Variants in PTPN6 observed in about 807,000 individuals in gnomAD.
PTPN6 encodes the protein tyrosine-protein phosphatase non-receptor type 6.
Under a neutral mutation model 81.5 loss-of-function variants are expected in PTPN6, and 18 were observed. The observed-to-expected ratio is 0.22, with a 90% CI of 0.15 to 0.33. The LOEUF (loss-of-function observed/expected upper bound fraction) is 0.33, where lower values mean the gene tolerates loss of function less well. Ranked by LOEUF, PTPN6 falls within the 10% of genes least tolerant of loss-of-function variation. PTPN6 has a pLI of 1.00. For synonymous variants in PTPN6, 301 were observed against 310.9 expected, an observed-to-expected ratio of 0.97 and a Z score of 0.33; for missense variants, 500 against 794.2, an observed-to-expected ratio of 0.63 and a Z score of 4.45.
In PTPN6 at chr12:6,959,461, C is replaced by T. The variant is rs1291264026; in HGVS notation, c.1362-466C>T. 4.9e-5 allele frequency: 13 copies of T among 263,860 alleles called. No individual in the cohort carries two copies. The highest frequency in any genetic ancestry group is 1.8e-4 in the African/African-American group (8 of 45,076). 16.3% of individuals were successfully genotyped at this position (263,860 alleles called of 1,614,324 possible). ...CCTGAGTCCCCTGACCCTGTGCCCCCGCACCCTGCTGTCTCAGGGCTATCC... is the reference window on the plus strand; with the variant it reads ...CCTGAGTCCCCTGACCCTGTGCCCCTGCACCCTGCTGTCTCAGGGCTATCC... On this transcript the variant is annotated intron_variant, in intron 11 of 15. Coordinates refer to ENST00000318974, the MANE Select transcript of PTPN6 (RefSeq NM_002831.6). This position sits in a 1 kb window ranked among gnomAD's most constrained non-coding sequence, Gnocchi z 6.6.
In PTPN6 at chr12:6,957,634, A is replaced by T. The variant is rs782271177; in HGVS notation, c.1075-20A>T. ...GTGCCCTGCTCTGTGCCTCATCCCC[A>T]CCCGACCCTCCCTTTCCAGAACAAA... On this transcript the variant is annotated intron_variant, in intron 9 of 15. Coordinates refer to ENST00000318974, the MANE Select transcript of PTPN6 (RefSeq NM_002831.6). This position sits in a 1 kb window ranked among gnomAD's most constrained non-coding sequence, Gnocchi z 6.5. 5.4e-5 allele frequency: 49 copies of T among 914,104 alleles called. No homozygotes were observed. The highest frequency in any genetic ancestry group is 8.2e-5 in the Non-Finnish European group (49 of 600,384). 56.6% of individuals were successfully genotyped at this position (914,104 alleles called of 1,614,324 possible). A position where few individuals can be genotyped will look rare whatever the true frequency, so the allele number is the denominator to read the frequency against.
At position 6,952,405 on chromosome 12, in the gene PTPN6, G is replaced by A; in HGVS notation, c.326+228G>A. On this transcript the variant is annotated intron_variant, in intron 3 of 15. Coordinates refer to ENST00000318974, the MANE Select transcript of PTPN6 (RefSeq NM_002831.6). This position sits in a 1 kb window ranked among gnomAD's most constrained non-coding sequence, Gnocchi z 8.1. ...CCTAACCCCGAGGAAGCCACAGAAA[G>A]CTGCCTCGCCCTACTCCGGGAGCCC... is the stretch of plus-strand genomic sequence containing the variant. The A allele has an allele frequency of 3.3e-6, 2 of 606,790 alleles. No individual in the cohort carries two copies. Among genetic ancestry groups the A allele is most frequent in the Non-Finnish European group, 5.8e-6 (2 of 346,046 alleles). The allele number at this position is 606,790 out of a possible 1,614,324, so 37.6% of individuals were successfully genotyped here.
Position 6,956,080 on chromosome 12 carries a change from C to T in PTPN6, c.845-62C>T. 6.5e-7 allele frequency: 1 copy of T among 1,542,814 alleles called. No homozygotes were observed. The highest frequency in any genetic ancestry group is 9.0e-7 in the Non-Finnish European group (1 of 1,115,702). On this transcript the variant is annotated intron_variant, in intron 7 of 15. Transcript: ENST00000318974. This position sits in a 1 kb window ranked among gnomAD's most constrained non-coding sequence, Gnocchi z 4.1. ...GGCCTGTTAGCTCAGGAGGGTCTGA[C>T]CCAGGTGTGGTGAGTCCCTGGCTAA... is the stretch of plus-strand genomic sequence containing the variant.
At chr12:6,953,955 T>C (rs1484940808) in intron 3 of PTPN6, among the ~76,000 whole-genome samples, 2 of 151,976 alleles carry the variant, frequency 1.3e-5, no homozygotes, top group Non-Finnish European at 2.9e-5. Context: ...CCTCACAACC[T>C]CACTTCTCAC....
chr12:6,947,698 C>T (rs1945852459), upstream of PTPN6, among the ~76,000 whole-genome samples: 2 of 151,114 alleles, frequency 1.3e-5, no homozygotes, highest in Non-Finnish European at 2.9e-5. Context: ...GAAAATGAAC[C>T]AGCTTCATAT....
At position 6,960,709 on chromosome 12, in the gene PTPN6, C is replaced by T. The variant is rs782698794; in HGVS notation, c.1674-97C>T. 3.3e-5 allele frequency: 51 copies of T among 1,551,382 alleles called. No individual in the cohort carries two copies. Among genetic ancestry groups the T allele is most frequent in the South Asian group, 2.6e-4 (22 of 84,066 alleles). On this transcript the variant is annotated intron_variant, in intron 14 of 15. Transcript: ENST00000318974. This position sits in a 1 kb window ranked among gnomAD's most constrained non-coding sequence, Gnocchi z 6.1. ...GACCGTGGCTGCGTCACCTGTGAGA[C>T]GGGGTGGCCAGAGGGGACTGCCAGT...
rs927667638 is a variant in PTPN6, at chr12:6,961,227, C to T, written c.*127C>T. The T allele has an allele frequency of 2.8e-5, 12 of 433,776 alleles. No individual in the cohort carries two copies. Among genetic ancestry groups the T allele is most frequent in the Non-Finnish European group, 3.9e-5 (9 of 232,554 alleles). 26.9% of individuals were successfully genotyped at this position (433,776 alleles called of 1,614,324 possible). A position where few individuals can be genotyped will look rare whatever the true frequency, so the allele number is the denominator to read the frequency against. On this transcript the variant is annotated 3_prime_UTR_variant, in exon 16 of 16. Transcript: ENST00000318974. ...GTAATTTAAATGGCTGCATCCCCCC[C>T]ACCTCTCCCTGACCCTGTATATAGC...
chr12:6,958,421 C>T (rs949765515), intron 11 of PTPN6, among the ~76,000 whole-genome samples: 1 of 152,236 alleles, frequency 6.6e-6, no homozygotes, highest in Non-Finnish European at 1.5e-5. Context: ...GCCTGTGTCC[C>T]GGCTGCTCCG....
chr12:6,957,965 C>T lies in PTPN6; in HGVS notation c.1253C>T (p.Pro418Leu). The change falls in exon 11 of 16, where the codon CCC becomes CTC. Residue 418 changes from proline (P) to leucine (L), a missense_variant. By Grantham distance (98) the Pro-to-Leu change is moderately conservative. This residue lies in a region of PTPN6 where 226 missense variants were observed against 364.4 expected (regional missense o/e 0.62). Coordinates refer to ENST00000318974, the MANE Select transcript of PTPN6 (RefSeq NM_002831.6). This position sits in a 1 kb window ranked among gnomAD's most constrained non-coding sequence, Gnocchi z 6.5. Reference protein sequence around the residue: ...EIWHYQYLSWPDHGVPSEPGG... With the variant: ...EIWHYQYLSWLDHGVPSEPGG... ...TGGCATTACCAGTACCTGAGCTGGC[C>T]CGACCATGGGGTCCCCAGTGAGCCT... 1 of 1,613,906 alleles carries T rather than the reference C, an allele frequency of 6.2e-7. No individual in the cohort carries two copies.
Position 6,957,744 on chromosome 12 carries a change from G to A in PTPN6, c.1165G>A (p.Glu389Lys), listed in dbSNP as rs782346134. ...VTNCGEHDTTEYKLRTLQVSP... is the reference protein window; with the variant it reads ...VTNCGEHDTTKYKLRTLQVSP... ...CAACTGCGGGGAGCATGACACAACC[G>A]AATACAAACTCCGTACCTTACAGGT... is the stretch of plus-strand genomic sequence containing the variant. Residue 389 changes from glutamate to lysine, a missense_variant, in exon 10 of 16, where the codon GAA becomes AAA. Physicochemically the swap from Glu to Lys is moderately conservative, Grantham distance 56 (BLOSUM62 1). Around this residue, in one of 6 missense-constraint regions of PTPN6, gnomAD observed 226 missense variants for 364.4 expected, o/e 0.62. Coordinates refer to ENST00000318974, the MANE Select transcript of PTPN6 (RefSeq NM_002831.6). The surrounding 1 kb of genome is among the most constrained non-coding windows in gnomAD (Gnocchi z 6.5). 4.0e-5 allele frequency: 64 copies of A among 1,605,996 alleles called. No individual in the cohort carries two copies. The highest frequency in any genetic ancestry group is 1.0e-4 in the Admixed American group (6 of 59,730).
At position 6,957,532 on chromosome 12, in the gene PTPN6, C is replaced by G. The variant is rs1354586208; in HGVS notation, c.1075-122C>G. ...CCCAGGTCTCCTGCCTCTCTGCCAG[C>G]CCATCCGTCCATCCAACAAATGTTT... On this transcript the variant is annotated intron_variant, in intron 9 of 15. Transcript: ENST00000318974. The surrounding 1 kb of genome is among the most constrained non-coding windows in gnomAD (Gnocchi z 6.5). 2.7e-5 allele frequency: 36 copies of G among 1,330,648 alleles called. No homozygotes were observed. In the African/African-American group the frequency reaches 5.1e-4, roughly 19 times the overall value. 82.4% of individuals were successfully genotyped at this position (1,330,648 alleles called of 1,614,324 possible).
Position 6,957,629 on chromosome 12 carries a change from T to TGCCCCCCCC in PTPN6, c.1075-25_1075-24insGCCCCCCCC. On this transcript the variant is annotated intron_variant, in intron 9 of 15. Transcript: ENST00000318974. This position sits in a 1 kb window ranked among gnomAD's most constrained non-coding sequence, Gnocchi z 6.5. ...CCACAGTGCCCTGCTCTGTGCCTCA[T>TGCCCCCCCC]CCCCACCCGACCCTCCCTTTCCAGA... is the stretch of plus-strand genomic sequence containing the variant. 7.9e-6 allele frequency: 12 copies of TGCCCCCCCC among 1,521,294 alleles called. No individual in the cohort carries two copies. Among genetic ancestry groups the TGCCCCCCCC allele is most frequent in the East Asian group, 2.4e-5 (1 of 41,886 alleles). 94.2% of individuals were successfully genotyped at this position (1,521,294 alleles called of 1,614,324 possible).
rs1555148851 is a variant in PTPN6, at chr12:6,957,182, G to T, written c.1075-472G>T. Among the ~76,000 whole-genome samples, 1 of 152,166 alleles carries T rather than the reference G, an allele frequency of 6.6e-6. No homozygotes were observed. Among genetic ancestry groups the T allele is most frequent in the East Asian group, 1.9e-4 (1 of 5,188 alleles). ...ACTCTCTCCACACTATCTCTGCCTG[G>T]CAGATGCCTCGTTTTTGAAGACACA... is the stretch of plus-strand genomic sequence containing the variant. On this transcript the variant is annotated intron_variant, in intron 9 of 15. Transcript: ENST00000318974. The surrounding 1 kb of genome is among the most constrained non-coding windows in gnomAD (Gnocchi z 6.5).
chr12:6,946,655 C>A, upstream of PTPN6: 1 of 1,351,150 alleles, frequency 7.4e-7, no homozygotes, highest in Non-Finnish European at 1.1e-6. Context: ...GGCCACTGTG[C>A]ACAGCTGTGC....
Position 6,960,042 on chromosome 12 carries a change from G to C in PTPN6, c.1430-46G>C, listed in dbSNP as rs781953909. The stretch of plus-strand genomic sequence containing the variant: ...GGGGTGGGGGGTGAGCAGCCCCTCG[G>C]TGTCCGCCTATGCCTGGACCTGAGG... On this transcript the variant is annotated intron_variant, in intron 12 of 15. Transcript: ENST00000318974. The surrounding 1 kb of genome is among the most constrained non-coding windows in gnomAD (Gnocchi z 6.1). 1.2e-6 allele frequency: 2 copies of C among 1,612,778 alleles called. No homozygotes were observed. Among genetic ancestry groups the C allele is most frequent in the Non-Finnish European group, 1.7e-6 (2 of 1,179,876 alleles).
chr12:6,950,574 G>A (rs1018990086), upstream of PTPN6, among the ~76,000 whole-genome samples: 2 of 152,126 alleles, frequency 1.3e-5, no homozygotes, highest in Non-Finnish European at 2.9e-5. Flanking sequence ...GGCTGCTCAG[G>A]GTCATGTTGT....
In PTPN6 at chr12:6,956,611, G is replaced by A. The variant is rs1555148784; in HGVS notation, c.1074+43G>A. On this transcript the variant is annotated intron_variant, in intron 9 of 15. Coordinates refer to ENST00000318974, the MANE Select transcript of PTPN6 (RefSeq NM_002831.6). The surrounding 1 kb of genome is among the most constrained non-coding windows in gnomAD (Gnocchi z 4.1). ...CCCCGCATCCGCCCCCGTGCTTGTG[G>A]TCATGCCATTAAGTCGAAGAGCAGT... 3.7e-6 allele frequency: 6 copies of A among 1,611,636 alleles called. No homozygotes were observed. The South Asian group carries it at 4.4e-5, about 12-fold the overall frequency.
In PTPN6 at chr12:6,954,091, C is replaced by T. The variant is rs1410307978; in HGVS notation, c.327-714C>T. Reference sequence around the variant, plus strand: ...CGGGGAAAGGGCTTAGTTCTGCTTTCTGCCCTGACAGCCCCTTCAAATCCG... The same window carrying T: ...CGGGGAAAGGGCTTAGTTCTGCTTTTTGCCCTGACAGCCCCTTCAAATCCG... On this transcript the variant is annotated intron_variant, in intron 3 of 15. Coordinates refer to ENST00000318974, the MANE Select transcript of PTPN6 (RefSeq NM_002831.6). This position sits in a 1 kb window ranked among gnomAD's most constrained non-coding sequence, Gnocchi z 5.4. Among the ~76,000 whole-genome samples, 1 of 152,170 alleles carries T rather than the reference C, an allele frequency of 6.6e-6. No homozygotes were observed. The highest frequency in any genetic ancestry group is 1.5e-5 in the Non-Finnish European group (1 of 68,034).
At chr12:6,953,873 C>T (rs1190131892) in intron 3 of PTPN6, among the ~76,000 whole-genome samples, 1 of 152,118 alleles carries the variant, frequency 6.6e-6, no homozygotes, top group Admixed American at 6.5e-5. Context: ...ACAGACTGGT[C>T]CTCCCCTCCT....
Sources: gnomAD v4.1 joint callset for allele counts (sites outside exome capture counted in the v4.1 genomes callset) on GRCh38, gnomAD v4.1.1 for gene constraint, gnomAD v4.1.1 regional missense constraint, Gnocchi (gnomAD v3.1) non-coding constraint, MANE v1.5 for transcripts, NCBI Gene and HGNC (gene_info 2026-07-23, HGNC 2026-07-21) for gene names.